The following IPO4 variants were observed in gnomAD, a reference collection of about 807,000 sequenced individuals.
IPO4 encodes the protein importin 4, also known as importin-4.
In IPO4, 91 loss-of-function variants were observed where a neutral mutation model predicts 133.5. The ratio of observed to expected loss-of-function variants is 0.68; its 90% CI spans 0.58 to 0.81. The LOEUF (loss-of-function observed/expected upper bound fraction) is 0.81, where lower values mean the gene tolerates loss of function less well. IPO4 is among the 30% of genes least tolerant of loss of function. The probability of loss-of-function intolerance (pLI) is 0.00; values close to 1 mark genes in which losing one functional copy is unlikely to be tolerated. For synonymous variants in IPO4, 607 were observed against 581.6 expected, an observed-to-expected ratio of 1.04 and a Z score of -0.63; for missense variants, 1,279 against 1,386.2, an observed-to-expected ratio of 0.92 and a Z score of 1.23.
At position 24,188,197 on chromosome 14, in the gene IPO4, G is replaced by A. The variant is rs1212368065; in HGVS notation, c.278+19C>T. ...AGACAAAGTCGTCAAGATCCCGAGA[G>A]AAGTGGGTAGGTACTTACTCTGTTT... On this transcript the variant is annotated intron_variant, in intron 4 of 29. Coordinates refer to ENST00000354464, the MANE Select transcript of IPO4 (RefSeq NM_024658.4). 1.9e-6 allele frequency: 3 copies of A among 1,611,414 alleles called. No homozygotes were observed. The Admixed American group carries it at 5.0e-5, about 27-fold the overall frequency.
chr14:24,181,536 G>A lies in IPO4; in HGVS notation c.3022C>T (p.Leu1008=). Residue 1008 remains leucine (L), a synonymous_variant, in exon 28 of 30, where the codon CTG becomes TTG. Transcript: ENST00000354464. ...WVTIGRLFSF[L]YQSSPDQVID... ...ACCTGGTCAGGGCTGCTCTGGTACA[G>A]GAAGCTGAAGAGGCGCCCAATGGTG... is the stretch of plus-strand genomic sequence containing the variant. The A allele has an allele frequency of 6.3e-7, 1 of 1,576,284 alleles. No individual in the cohort carries two copies. Among genetic ancestry groups the A allele is most frequent in the Non-Finnish European group, 8.6e-7 (1 of 1,160,484 alleles).
chr14:24,184,568 C>T, intron 16 of IPO4, 82 bp downstream of exon 16: 1 of 1,411,908 alleles, frequency 7.1e-7, no homozygotes, highest in Non-Finnish European at 9.6e-7. Context: ...ATCCGTGCTC[C>T]TGTGGGGGCA....
intron 6 of IPO4, 28 bp from the exon 7 acceptor site, chr14:24,187,178 T>G (rs1272041261): frequency 8.1e-6 from 13 of 1,607,288 alleles, no homozygotes; most frequent in Non-Finnish European, 1.1e-5. Context: ...GAGAGCATGA[T>G]GCAGCCCAAT....
In IPO4 at chr14:24,186,688, G is replaced by C. The variant is rs1233226570; in HGVS notation, c.840+20C>G. On this transcript the variant is annotated intron_variant, in intron 9 of 29. Coordinates refer to ENST00000354464, the MANE Select transcript of IPO4 (RefSeq NM_024658.4). Reference sequence around the variant, plus strand: ...TGGAGATGGGGGTGGGGTGATGTGTGTCAATGGGCACTCACTTACCTTGCT... The same window carrying C: ...TGGAGATGGGGGTGGGGTGATGTGTCTCAATGGGCACTCACTTACCTTGCT... The C allele has an allele frequency of 2.5e-6, 4 of 1,605,706 alleles. No homozygotes were observed. Among genetic ancestry groups the C allele is most frequent in the Non-Finnish European group, 3.4e-6 (4 of 1,172,806 alleles).
intron 14 of IPO4, 57 bp downstream of exon 14, chr14:24,185,126 T>C: frequency 6.2e-7 from 1 of 1,609,090 alleles, no homozygotes; most frequent in East Asian, 2.2e-5. Context: ...ATCCTGTACA[T>C]TCAGCCAAAG....
chr14:24,187,273 T>C (rs772239342), intron 6 of IPO4, 123 bp from the exon 7 acceptor site: 49 of 1,454,652 alleles, frequency 3.4e-5, no homozygotes, highest in Non-Finnish European at 4.3e-5. Flanking sequence ...ACCTACAGCA[T>C]CCCCTCTCAA....
Position 24,183,336 on chromosome 14 carries a change from C to T in IPO4, c.2141G>A (p.Arg714Gln), listed in dbSNP as rs770009334. 3.7e-6 allele frequency: 6 copies of T among 1,611,382 alleles called. No individual in the cohort carries two copies. The highest frequency in any genetic ancestry group is 2.2e-5 in the East Asian group (1 of 44,852). ...ACCCAGAGCCTCATGGGCTGCCTTCCGCACATTCAGGTGAGGGCACTGCAG... is the reference window on the plus strand; with the variant it reads ...ACCCAGAGCCTCATGGGCTGCCTTCTGCACATTCAGGTGAGGGCACTGCAG... Reference protein sequence around the residue: ...KLLECPHLNVRKAAHEALGQF... With the variant: ...KLLECPHLNVQKAAHEALGQF... The change falls in exon 22 of 30, where the codon CGG becomes CAG. Residue 714 changes from arginine to glutamine, a missense_variant. Physicochemically the swap from Arg to Gln is conservative, Grantham distance 43 (BLOSUM62 1). Transcript: ENST00000354464.
chr14:24,185,161 A>G, intron 14 of IPO4, 22 bp downstream of exon 14: 3 of 1,613,402 alleles, frequency 1.9e-6, no homozygotes, highest in Non-Finnish European at 2.5e-6. Flanking sequence ...CCCTTCCCCA[A>G]GCTCCCCACT....
In IPO4 at chr14:24,184,922, C is replaced by T. The variant is rs1481685357; in HGVS notation, c.1467G>A (p.Arg489=). The change falls in exon 15 of 30, where the codon AGG becomes AGA. Residue 489 remains arginine (R), a synonymous_variant. Coordinates refer to ENST00000354464, the MANE Select transcript of IPO4 (RefSeq NM_024658.4). ...CCTTGGCCCGGGGACTGCTGGGGTTCCTCAGAAGCTGCAGCATGCATTCCA... is the reference window on the plus strand; with the variant it reads ...CCTTGGCCCGGGGACTGCTGGGGTTTCTCAGAAGCTGCAGCATGCATTCCA... ...ELMECMLQLL[R]NPSSPRAKEL... The T allele has an allele frequency of 2.5e-6, 4 of 1,614,116 alleles. No individual in the cohort carries two copies. The highest frequency in any genetic ancestry group is 3.3e-4 in the Middle Eastern group (2 of 6,062).
rs557348319 is a variant in IPO4, at chr14:24,183,234, C to G, written c.2227+16G>C. The G allele has an allele frequency of 1.2e-6, 2 of 1,612,514 alleles. No homozygotes were observed. Among genetic ancestry groups the G allele is most frequent in the South Asian group, 2.2e-5 (2 of 90,974 alleles). Reference sequence around the variant, plus strand: ...CCCTCCCCAAGAACCCCCAGCCTGGCCCAGCCTCTCCTCACCAGCAGTGTT... The same window carrying G: ...CCCTCCCCAAGAACCCCCAGCCTGGGCCAGCCTCTCCTCACCAGCAGTGTT... On this transcript the variant is annotated intron_variant, in intron 22 of 29. Coordinates refer to ENST00000354464, the MANE Select transcript of IPO4 (RefSeq NM_024658.4).
chr14:24,184,191 A>G, intron 17 of IPO4, 82 bp from the exon 18 acceptor site: 1 of 1,564,752 alleles, frequency 6.4e-7, no homozygotes, highest in Non-Finnish European at 8.7e-7. Context: ...ACACCTGGCT[A>G]TGGTCCAAAC....
rs746325069 is a variant in IPO4, at chr14:24,188,733, C to T, written c.55G>A (p.Glu19Lys). ...CTGCTCCGTACCCGACGGATGCGCTCGGTGTCCGGTAGCAGCAGCTCCCGT... is the reference window on the plus strand; with the variant it reads ...CTGCTCCGTACCCGACGGATGCGCTTGGTGTCCGGTAGCAGCAGCTCCCGT... ...LLRELLLPDT[E>K]RIRRATEQLQ... is the part of the protein sequence containing the mutation. Residue 19 changes from glutamate to lysine, a missense_variant, in exon 1 of 30, where the codon GAG becomes AAG. By Grantham distance (56) the Glu-to-Lys change is moderately conservative (BLOSUM62 1). Transcript: ENST00000354464. 11 of 1,556,040 alleles carry T rather than the reference C, an allele frequency of 7.1e-6. No homozygotes were observed. The African/African-American group carries it at 1.1e-4, about 15-fold the overall frequency.
chr14:24,183,971 G>C (rs749770697), intron 18 of IPO4, 27 bp downstream of exon 18: 1 of 1,592,906 alleles, frequency 6.3e-7, no homozygotes, highest in South Asian at 1.1e-5. Flanking sequence ...GGGCAGGCCT[G>C]GCCCAGCCCA....
chr14:24,186,074 G>C, intron 11 of IPO4, 55 bp downstream of exon 11: 1 of 1,606,626 alleles, frequency 6.2e-7, no homozygotes, highest in Admixed American at 1.7e-5. Context: ...GTTGGCCTCA[G>C]GGGGACTAGG....
chr14:24,186,603 C>T, intron 9 of IPO4, 105 bp downstream of exon 9: 4 of 1,352,790 alleles, frequency 3.0e-6, no homozygotes, highest in Middle Eastern at 2.0e-4. Context: ...AAGGCTTGAA[C>T]CCCCACAGTA....
In IPO4 at chr14:24,182,161, T is replaced by C; in HGVS notation, c.2601A>G (p.Lys867=). 6.2e-7 allele frequency: 1 copy of C among 1,614,066 alleles called. No individual in the cohort carries two copies. Among genetic ancestry groups the C allele is most frequent in the Non-Finnish European group, 8.5e-7 (1 of 1,180,012 alleles). ...GFLPLLVCKT[K]QGCTVAEKSF... ...ACTTCTCTGCCACTGTGCAGCCCTG[T>C]TTCTGATGGGGGAGAACAGGAAGGA... Residue 867 remains lysine (K), a splice_region_variant and synonymous_variant, in exon 26 of 30, where the codon AAA becomes AAG. Transcript: ENST00000354464.
chr14:24,185,274 C>T lies in IPO4; in HGVS notation c.1317G>A (p.Leu439=), dbSNP rs1201837864. 9 of 1,614,146 alleles carry T rather than the reference C, an allele frequency of 5.6e-6. No individual in the cohort carries two copies. The highest frequency in any genetic ancestry group is 7.6e-6 in the Non-Finnish European group (9 of 1,180,016). Residue 439 remains leucine (L), a synonymous_variant, in exon 14 of 30, where the codon CTG becomes CTA. Transcript: ENST00000354464. ...ISSYSREVMP[L]LLAYLKSVPL... ...GCACCGACTTCAAGTAGGCGAGGAG[C>T]AGTGGCATTACCTCCCTTGAATAGC...
In IPO4 at chr14:24,183,521, G is replaced by A. The variant is rs773103053; in HGVS notation, c.2064-8C>T. On this transcript the variant is annotated splice_region_variant and splice_polypyrimidine_tract_variant and intron_variant, in intron 20 of 29. Transcript: ENST00000354464. The stretch of plus-strand genomic sequence containing the variant: ...TATGGAAGGAAGGCCACACTACAGA[G>A]AGAGACACAGCCGTGGGTAAGGGGC... The A allele has an allele frequency of 1.2e-6, 2 of 1,613,996 alleles. No homozygotes were observed. The highest frequency in any genetic ancestry group is 4.5e-5 in the East Asian group (2 of 44,888).
chr14:24,183,434 C>G (rs2039171468), intron 21 of IPO4, 22 bp downstream of exon 21: 6 of 1,602,578 alleles, frequency 3.7e-6, no homozygotes, highest in Non-Finnish European at 5.1e-6. Context: ...ACCCCACCCA[C>G]TCCACCCGCC....
Sources: allele counts gnomAD v4.1 joint callset, GRCh38; gene constraint gnomAD v4.1.1; transcripts MANE v1.5; gene names NCBI Gene and HGNC (gene_info 2026-07-23, HGNC 2026-07-21).